The following XRRA1 variants were observed in gnomAD, a reference collection of about 807,000 sequenced individuals.
XRRA1 encodes the protein X-ray radiation resistance associated 1.
Under a neutral mutation model 80.2 loss-of-function variants are expected in XRRA1, and 69 were observed. That is an observed-to-expected ratio of 0.86 (90% confidence interval 0.71 to 1.05). XRRA1 has a LOEUF of 1.05. XRRA1 is among the 50% of genes least tolerant of loss of function. XRRA1 has a pLI of 0.00. For missense variants in XRRA1, 967 were observed against 976.4 expected, an observed-to-expected ratio of 0.99 and a Z score of 0.13; for synonymous variants, 348 against 389.9, an observed-to-expected ratio of 0.89 and a Z score of 1.27.
At position 74,850,209 on chromosome 11, in the gene XRRA1, T is replaced by C. The variant is rs550458420; in HGVS notation, c.1380+879A>G. Among the ~76,000 whole-genome samples the C allele has an allele frequency of 7.6e-4, 115 of 152,300 alleles. No individual in the cohort carries two copies. In the South Asian group the frequency reaches 0.023, roughly 31 times the overall value. On this transcript the variant is annotated intron_variant, in intron 14 of 18. Transcript: ENST00000684022. ...TCTCTGAGTCTGTTGCTTCATCTAC[T>C]GTGAGGATTATGGGATAGCATACAC...
intron 6 of XRRA1, among the ~76,000 whole-genome samples, chr11:74,929,573 T>C (rs1450467035): frequency 1.3e-5 from 2 of 152,224 alleles, no homozygotes; most frequent in Non-Finnish European, 2.9e-5. Context: ...CATGCTTCCC[T>C]TGCAAGCATA....
intron 10 of XRRA1, among the ~76,000 whole-genome samples, chr11:74,892,561 T>C (rs1236274512): frequency 1.3e-5 from 2 of 152,246 alleles, no homozygotes; most frequent in Admixed American, 1.3e-4. Flanking sequence ...AAATGGGATC[T>C]AATTAAACTA....
chr11:74,854,291 C>T (rs976333129), intron 12 of XRRA1, among the ~76,000 whole-genome samples: 2 of 152,126 alleles, frequency 1.3e-5, no homozygotes, highest in Non-Finnish European at 2.9e-5. Flanking sequence ...TATCTGAAGT[C>T]ATCCCTAGGG....
chr11:74,855,279 A>G (rs932263979), intron 12 of XRRA1, among the ~76,000 whole-genome samples: 3 of 152,170 alleles, frequency 2.0e-5, no homozygotes, highest in African/African-American at 7.2e-5. Flanking sequence ...GTGCAAATCA[A>G]GGGGTCAAGA....
At chr11:74,892,264 A>G (rs1233446404) in intron 10 of XRRA1, among the ~76,000 whole-genome samples, 29 of 152,180 alleles carry the variant, frequency 1.9e-4, no homozygotes, top group Admixed American at 1.9e-3. Context: ...ATCTACAACC[A>G]TCTGATCTTT....
intron 10 of XRRA1, among the ~76,000 whole-genome samples, chr11:74,900,082 T>C (rs1304186534): frequency 6.6e-6 from 1 of 151,642 alleles, no homozygotes; most frequent in Admixed American, 6.6e-5. Context: ...GGAGAATCTC[T>C]TGAACCCAGG....
intron 4 of XRRA1, 21 bp downstream of exon 4, chr11:74,936,863 C>T (rs1945126233): frequency 1.2e-6 from 2 of 1,608,808 alleles, no homozygotes; most frequent in Admixed American, 1.7e-5. Context: ...GCTGGCCACT[C>T]CAGGATGCAT....
chr11:74,848,152 T>C lies in XRRA1; in HGVS notation c.1691A>G (p.Glu564Gly). The C allele has an allele frequency of 6.2e-7, 1 of 1,612,908 alleles. No homozygotes were observed. Among genetic ancestry groups the C allele is most frequent in the Non-Finnish European group, 8.5e-7 (1 of 1,179,874 alleles). Reference protein sequence around the residue: ...VRLSPERPSDEDSKSTESIFL... With the variant: ...VRLSPERPSDGDSKSTESIFL... ...GATGGACTCTGTGCTCTTGGAGTCC[T>C]CATCTGATGGGCGCTCTGGGCTGAG... The change falls in exon 15 of 19, where the codon GAG (glutamate) becomes GGG (glycine). Residue 564 changes from glutamate to glycine, a missense_variant. By Grantham distance (98) the Glu-to-Gly change is moderately conservative. Transcript: ENST00000684022.
At chr11:74,883,167 C>T (rs538512804) in intron 10 of XRRA1, among the ~76,000 whole-genome samples, 1,585 of 152,218 alleles carry the variant, frequency 0.01, 23 homozygotes, top group African/African-American at 0.034. Flanking sequence ...TGTGAGACTC[C>T]GTGGGCGTAG....
At chr11:74,940,695 A>C in intron 3 of XRRA1, 90 bp downstream of exon 3, 1 of 1,043,404 alleles carries the variant, frequency 9.6e-7, no homozygotes, top group Non-Finnish European at 1.4e-6. Flanking sequence ...AACAGTAGTG[A>C]AGGGGTTGGA....
intron 10 of XRRA1, among the ~76,000 whole-genome samples, chr11:74,889,468 A>G (rs1046660339): frequency 7.2e-5 from 11 of 152,252 alleles, no homozygotes; most frequent in African/African-American, 1.9e-4. Flanking sequence ...TGTAAAGACT[A>G]TCGAGGCTAG....
At chr11:74,893,574 AAAAT>A (rs1251690585) in intron 10 of XRRA1, among the ~76,000 whole-genome samples, 2 of 152,076 alleles carry the variant, frequency 1.3e-5, no homozygotes, top group Non-Finnish European at 2.9e-5. Context: ...AATAAATAAA[AAAAT>A]AAAGACTTCA....
chr11:74,856,059 GAGGTGGAGGCTGC>G (rs2041017608), intron 12 of XRRA1, among the ~76,000 whole-genome samples: 1 of 152,192 alleles, frequency 6.6e-6, no homozygotes, highest in African/African-American at 2.4e-5. Flanking sequence ...TTGAACCCGG[GAGGTGGAGGCTGC>G]AGTGAGCCAA....
intron 10 of XRRA1, among the ~76,000 whole-genome samples, chr11:74,883,278 G>C (rs187842473): frequency 0.012 from 1,753 of 152,280 alleles, 29 homozygotes; most frequent in African/African-American, 0.04. Context: ...GATTTTCCAG[G>C]TGCCGTCCGT....
At chr11:74,884,062 G>T (rs1195179168) in intron 10 of XRRA1, among the ~76,000 whole-genome samples, 1 of 152,104 alleles carries the variant, frequency 6.6e-6, no homozygotes, top group Non-Finnish European at 1.5e-5. Context: ...AGCTAGGTGT[G>T]TTGGGGCACA....
chr11:74,885,408 A>T (rs1260123145), intron 10 of XRRA1, among the ~76,000 whole-genome samples: 1 of 152,204 alleles, frequency 6.6e-6, no homozygotes, highest in Non-Finnish European at 1.5e-5. Context: ...GTTACCACTG[A>T]CCCCACAGAA....
At chr11:74,897,726 A>G (rs1177910334) in intron 10 of XRRA1, among the ~76,000 whole-genome samples, 1 of 151,622 alleles carries the variant, frequency 6.6e-6, no homozygotes, top group Non-Finnish European at 1.5e-5. Context: ...AAAAAAAGAA[A>G]AAAAAAAACT....
chr11:74,843,739 A>T, intron 18 of XRRA1, 115 bp downstream of exon 18: 1 of 961,756 alleles, frequency 1.0e-6, no homozygotes, highest in Non-Finnish European at 1.6e-6. Context: ...GTAGAGACTG[A>T]TGTAGGCAGT....
intron 10 of XRRA1, among the ~76,000 whole-genome samples, chr11:74,896,075 G>A (rs2052228899): frequency 6.6e-6 from 1 of 152,244 alleles, no homozygotes; most frequent in African/African-American, 2.4e-5. Flanking sequence ...GGCTTCAGGG[G>A]TGATGGAGCA....
Sources: allele counts gnomAD v4.1 joint callset (sites outside exome capture counted in the v4.1 genomes callset), GRCh38; gene constraint gnomAD v4.1.1; transcripts MANE v1.5; gene names NCBI Gene and HGNC (gene_info 2026-07-23, HGNC 2026-07-21).